BPIFB6: variants seen among roughly 807,000 people sequenced by gnomAD.
The protein encoded by BPIFB6 is BPI fold containing family B member 6.
Under a neutral mutation model 54.7 loss-of-function variants are expected in BPIFB6, and 47 were observed. The ratio of observed to expected loss-of-function variants is 0.86; its 90% CI spans 0.68 to 1.10. The LOEUF (loss-of-function observed/expected upper bound fraction) is 1.10. BPIFB6 is among the 50% of genes least tolerant of loss of function. The pLI is 0.00. For missense variants in BPIFB6, 603 were observed against 564.1 expected (o/e 1.07, Z -0.70); for synonymous variants, 255 against 225.9 (o/e 1.13, Z -1.16).
intron 8 of BPIFB6, among the ~76,000 whole-genome samples, chr20:33,038,196 C>T (rs1182556865): frequency 6.6e-6 from 1 of 151,776 alleles, no homozygotes. Context: ...CCAAACACCA[C>T]TACATCCACC....
chr20:33,039,884 G>A (rs1320343147), intron 10 of BPIFB6, among the ~76,000 whole-genome samples: 1 of 152,238 alleles, frequency 6.6e-6, no homozygotes, highest in African/African-American at 2.4e-5. Context: ...AGGTTGAGCA[G>A]GAGCTTGCCA....
At chr20:33,035,799 C>A in intron 6 of BPIFB6, 127 bp downstream of exon 6, 3 of 965,316 alleles carry the variant, frequency 3.1e-6, no homozygotes, top group South Asian at 2.8e-5. Flanking sequence ...GGCTTGAGGT[C>A]ATGATGTTCA....
intron 8 of BPIFB6, among the ~76,000 whole-genome samples, chr20:33,038,369 A>C (rs375767185): frequency 6.6e-6 from 1 of 151,888 alleles, no homozygotes; most frequent in African/African-American, 2.4e-5. Context: ...CCTCCCATCC[A>C]TCAGTCCATT....
At chr20:33,036,274 A>G (rs1198980502) in intron 6 of BPIFB6, among the ~76,000 whole-genome samples, 171 bp from the exon 7 acceptor site, 1 of 152,172 alleles carries the variant, frequency 6.6e-6, no homozygotes, top group Non-Finnish European at 1.5e-5. Flanking sequence ...TTTCCAGGCC[A>G]GGAACCATGG....
rs978740993 is a variant in BPIFB6, at chr20:33,037,561, G to A, written c.670-1G>A. The A allele has an allele frequency of 1.4e-5, 23 of 1,608,600 alleles. No homozygotes were observed. Among genetic ancestry groups the A allele is most frequent in the Admixed American group, 1.7e-5 (1 of 59,826 alleles). Reference sequence around the variant, plus strand: ...AGTGTCTCCCTCCTGCTGCCCCATAGCCTGTGGTGCAGCAGCAAAAGGGCA... The same window carrying A: ...AGTGTCTCCCTCCTGCTGCCCCATAACCTGTGGTGCAGCAGCAAAAGGGCA... On this transcript the variant is annotated splice_acceptor_variant, in intron 7 of 14. Transcript: ENST00000349552. LOFTEE classifies it high-confidence loss of function.
Position 33,036,543 on chromosome 20 carries a change from G to T in BPIFB6, c.669+7G>T, listed in dbSNP as rs747563291. On this transcript the variant is annotated splice_region_variant and intron_variant, in intron 7 of 14. Coordinates refer to ENST00000349552, the MANE Select transcript of BPIFB6 (RefSeq NM_174897.2). Reference sequence around the variant, plus strand: ...CATCCAACTGGACTTCAGTGTAAGCGCCTAGGGCCACCTGGGAGCTGGGGT... The same window carrying T: ...CATCCAACTGGACTTCAGTGTAAGCTCCTAGGGCCACCTGGGAGCTGGGGT... 8 of 1,612,532 alleles carry T rather than the reference G, an allele frequency of 5.0e-6. No homozygotes were observed. Among genetic ancestry groups the T allele is most frequent in the Non-Finnish European group, 6.8e-6 (8 of 1,178,496 alleles).
At position 33,031,763 on chromosome 20, in the gene BPIFB6, C is replaced by T. The variant is rs753350128; in HGVS notation, c.97+19C>T. 4.3e-6 allele frequency: 7 copies of T among 1,611,398 alleles called. No homozygotes were observed. The highest frequency in any genetic ancestry group is 1.1e-5 in the South Asian group (1 of 90,904). ...ATGAACCGTGGTGAGCTTGTGGGCC[C>T]GGGCGTGCAGCTGGGAGGCGGTGCT... On this transcript the variant is annotated intron_variant, in intron 1 of 14. Transcript: ENST00000349552.
chr20:33,031,741 A>T lies in BPIFB6; in HGVS notation c.94A>T (p.Asn32Tyr), dbSNP rs377190293. ...GCTGCGGTTGGGCATGGACATCATG[A>T]ACCGTGGTGAGCTTGTGGGCCCGGG... ...ALLRLGMDIM[N>Y]QVQSAMDESH... Residue 32 changes from asparagine to tyrosine, a missense_variant, in exon 1 of 15, where the codon AAC becomes TAC. Coordinates refer to ENST00000349552, the MANE Select transcript of BPIFB6 (RefSeq NM_174897.2). 1.4e-5 allele frequency: 22 copies of T among 1,613,888 alleles called. No homozygotes were observed. Among genetic ancestry groups the T allele is most frequent in the Non-Finnish European group, 1.5e-5 (18 of 1,179,960 alleles).
At position 33,034,791 on chromosome 20, in the gene BPIFB6, G is replaced by A. The variant is rs1329406845; in HGVS notation, c.331G>A (p.Val111Met). The change falls in exon 4 of 15, where the codon GTG (valine) becomes ATG (methionine). Residue 111 changes from valine to methionine, a missense_variant. Transcript: ENST00000349552. ...CATGGGAGGGAACATGGAGATCATCGTGGCCCTGAACATCACAGCCACCAA... is the reference window on the plus strand; with the variant it reads ...CATGGGAGGGAACATGGAGATCATCATGGCCCTGAACATCACAGCCACCAA... ...SFMGGNMEII[V>M]ALNITATNRL... 7 of 1,613,048 alleles carry A rather than the reference G, an allele frequency of 4.3e-6. No homozygotes were observed. The highest frequency in any genetic ancestry group is 5.9e-6 in the Non-Finnish European group (7 of 1,179,236).
At chr20:33,036,631 C>A in intron 7 of BPIFB6, 95 bp downstream of exon 7, 1 of 1,205,648 alleles carries the variant, frequency 8.3e-7, no homozygotes, top group Non-Finnish European at 1.2e-6. Flanking sequence ...TGGACTAGGG[C>A]TGTGGAGGGA....
In BPIFB6 at chr20:33,034,185, G is replaced by GT. The variant is rs1379489906; in HGVS notation, c.200dup (p.Leu67PhefsTer59). 6.2e-7 allele frequency: 1 copy of GT among 1,611,186 alleles called. No individual in the cohort carries two copies. The highest frequency in any genetic ancestry group is 2.2e-5 in the East Asian group (1 of 44,874). ...TGGTGTGGCTGCCTGTCCCTTCCCA[G>GT]TTTGAAGGTGAAGGATGTCCAGCTG... On this transcript the variant is annotated frameshift_variant and splice_region_variant. Transcript: ENST00000349552. LOFTEE classifies it high-confidence loss of function.
At chr20:33,041,894 T>C in intron 11 of BPIFB6, 76 bp from the exon 12 acceptor site, 1 of 1,405,956 alleles carries the variant, frequency 7.1e-7, no homozygotes, top group South Asian at 1.2e-5. Context: ...TGGGACCCCC[T>C]TCTCCAGCGC....
In BPIFB6 at chr20:33,038,940, C is replaced by A; in HGVS notation, c.878C>A (p.Thr293Asn). The change falls in exon 9 of 15, where the codon ACC becomes AAC. Residue 293 changes from threonine (T) to asparagine (N), a missense_variant. Transcript: ENST00000349552. ...GAGCTGCCCCCACAAACCACCAAGACCCTGGCTCGCTTCATTCCTGAAGTG... is the reference window on the plus strand; with the variant it reads ...GAGCTGCCCCCACAAACCACCAAGAACCTGGCTCGCTTCATTCCTGAAGTG... ...IGELPPQTTK[T>N]LARFIPEVAV... 1.9e-6 allele frequency: 3 copies of A among 1,614,070 alleles called. No individual in the cohort carries two copies. Among genetic ancestry groups the A allele is most frequent in the Middle Eastern group, 1.6e-4 (1 of 6,062 alleles).
chr20:33,036,297 A>C, intron 6 of BPIFB6, 148 bp from the exon 7 acceptor site: 1 of 679,776 alleles, frequency 1.5e-6, no homozygotes, highest in African/African-American at 1.8e-5. Context: ...TCTATTCTAC[A>C]GATGAAGTTA....
At chr20:33,036,080 T>C (rs563501227) in intron 6 of BPIFB6, among the ~76,000 whole-genome samples, 47 of 152,270 alleles carry the variant, frequency 3.1e-4, no homozygotes, top group African/African-American at 1.1e-3. Flanking sequence ...TGACTGGAAC[T>C]GAAGAAAACT....
At chr20:33,042,719 C>T in intron 12 of BPIFB6, 96 bp from the exon 13 acceptor site, 1 of 1,163,116 alleles carries the variant, frequency 8.6e-7, no homozygotes, top group Admixed American at 2.0e-5. Context: ...ATATTCACTT[C>T]TGTGGTCCCC....
At position 33,039,414 on chromosome 20, in the gene BPIFB6, T is replaced by G; in HGVS notation, c.968T>G (p.Val323Gly). 5 of 1,614,050 alleles carry G rather than the reference T, an allele frequency of 3.1e-6. No individual in the cohort carries two copies. Among genetic ancestry groups the G allele is most frequent in the Non-Finnish European group, 8.5e-7 (1 of 1,179,992 alleles). Residue 323 changes from valine to glycine, a missense_variant, in exon 10 of 15, where the codon GTC becomes GGC. Coordinates refer to ENST00000349552, the MANE Select transcript of BPIFB6 (RefSeq NM_174897.2). Reference sequence around the variant, plus strand: ...ATCAAGATAAAGAAGCCTCCCAAGGTCACTATGAAGACAGGCAAGAGCCTG... The same window carrying G: ...ATCAAGATAAAGAAGCCTCCCAAGGGCACTATGAAGACAGGCAAGAGCCTG... ...TQIKIKKPPK[V>G]TMKTGKSLLH...
At chr20:33,040,135 C>T in intron 10 of BPIFB6, 116 bp from the exon 11 acceptor site, 1 of 903,210 alleles carries the variant, frequency 1.1e-6, no homozygotes, top group Admixed American at 1.9e-5. Flanking sequence ...GAGAGAAGAT[C>T]CCCTGCTTTG....
rs898753311 is a variant in BPIFB6 at position 33,042,014 on chromosome 20, A to G, written c.1187A>G (p.Asn396Ser). The G allele has an allele frequency of 1.4e-5, 22 of 1,613,866 alleles. No individual in the cohort carries two copies. Among genetic ancestry groups the G allele is most frequent in the South Asian group, 6.6e-5 (6 of 91,088 alleles). ...SRKSSSIGNFNERELTGFITS... is the reference protein window; with the variant it reads ...SRKSSSIGNFSERELTGFITS... Reference sequence around the variant, plus strand: ...AAGTCCTCATCGATTGGCAACTTCAATGTAAGTGTCCCAAGTGCTCTTGCC... The same window carrying G: ...AAGTCCTCATCGATTGGCAACTTCAGTGTAAGTGTCCCAAGTGCTCTTGCC... The change falls in exon 12 of 15, where the codon AAT becomes AGT. Residue 396 changes from asparagine to serine, a missense_variant and splice_region_variant. Asn to Ser is a conservative substitution (Grantham distance 46). Transcript: ENST00000349552.
Sources: allele counts gnomAD v4.1 joint callset (sites outside exome capture counted in the v4.1 genomes callset), GRCh38; gene constraint gnomAD v4.1.1; transcripts MANE v1.5; gene names NCBI Gene and HGNC (gene_info 2026-07-23, HGNC 2026-07-21).